The following ALDH18A1 variants were observed in gnomAD, a reference collection of about 807,000 sequenced individuals.
The protein encoded by ALDH18A1 is delta-1-pyrroline-5-carboxylate synthase.
In ALDH18A1, 44 loss-of-function variants were observed where a neutral mutation model predicts 88.8. The ratio of observed to expected loss-of-function variants is 0.50; its 90% CI spans 0.39 to 0.64. The LOEUF is 0.64. Among genes scored for constraint, ALDH18A1 ranks in the 30% least tolerant of loss-of-function variants. The pLI is 0.00. For synonymous variants in ALDH18A1, 331 were observed against 372.1 expected (o/e 0.89, Z 1.27); for missense variants, 782 against 1,009.5 (o/e 0.77, Z 3.05).
At chr10:95,642,741 C>T (rs1005461034) in intron 3 of ALDH18A1, among the ~76,000 whole-genome samples, 3 of 152,168 alleles carry the variant, frequency 2.0e-5, no homozygotes, top group East Asian at 1.9e-4. Flanking sequence ...ACAGAAACAG[C>T]TCTTTATCAC....
At position 95,611,462 on chromosome 10, in the gene ALDH18A1, G is replaced by A; in HGVS notation, c.1924-20C>T. 6.2e-7 allele frequency: 1 copy of A among 1,613,460 alleles called. No homozygotes were observed. Among genetic ancestry groups the A allele is most frequent in the Non-Finnish European group, 8.5e-7 (1 of 1,179,376 alleles). ...TTTTACCTGGAACAGAGGAAGTCCA[G>A]GGGCAACAACATAAAAACAACTGAA... is the stretch of plus-strand genomic sequence containing the variant. On this transcript the variant is annotated intron_variant, in intron 15 of 17. Coordinates refer to ENST00000371224, the MANE Select transcript of ALDH18A1 (RefSeq NM_002860.4).
intron 12 of ALDH18A1, 126 bp downstream of exon 12, chr10:95,620,905 G>T (rs507017): frequency 3.2e-6 from 3 of 930,006 alleles, no homozygotes; most frequent in Non-Finnish European, 4.9e-6. Flanking sequence ...AAACCTGCAC[G>T]TTGTGCACAT....
Position 95,606,164 on chromosome 10 carries a change from A to G in ALDH18A1, c.*598T>C, listed in dbSNP as rs529911360. On this transcript the variant is annotated 3_prime_UTR_variant, in exon 18 of 18. Transcript: ENST00000371224. ...CCAGCTGCATCACGGGGAACACAGC[A>G]TCTCCTGGATGCAGGAAGCTGCAAG... 29 of 825,718 alleles carry G rather than the reference A, an allele frequency of 3.5e-5. No individual in the cohort carries two copies. The African/African-American group carries it at 5.2e-4, about 15-fold the overall frequency. 51.1% of individuals were successfully genotyped at this position (825,718 alleles called of 1,614,324 possible).
chr10:95,650,612 C>G (rs1379184919), intron 2 of ALDH18A1, among the ~76,000 whole-genome samples: 1 of 152,132 alleles, frequency 6.6e-6, no homozygotes, highest in East Asian at 1.9e-4. Context: ...ACAACAGCTC[C>G]CCTTCATCCT....
intron 5 of ALDH18A1, 39 bp from the exon 6 acceptor site, chr10:95,633,688 A>C: frequency 3.1e-6 from 5 of 1,605,300 alleles, no homozygotes; most frequent in Non-Finnish European, 4.3e-6. Context: ...ATGAGGGAGA[A>C]AAACGCTAAA....
chr10:95,643,276 T>C, intron 2 of ALDH18A1, 70 bp from the exon 3 acceptor site: 1 of 1,483,708 alleles, frequency 6.7e-7, no homozygotes, highest in Non-Finnish European at 9.3e-7. Context: ...AAAATATACA[T>C]GCTCAGTATT....
chr10:95,643,131 C>A lies in ALDH18A1; in HGVS notation c.164G>T (p.Arg55Leu). 6.2e-7 allele frequency: 1 copy of A among 1,614,182 alleles called. No homozygotes were observed. The highest frequency in any genetic ancestry group is 8.5e-7 in the Non-Finnish European group (1 of 1,180,048). The change falls in exon 3 of 18, where the codon CGT becomes CTT. Residue 55 changes from arginine (R) to leucine (L), a missense_variant. Physicochemically the swap from Arg to Leu is moderately radical, Grantham distance 102. Transcript: ENST00000371224. ...NIPFITVPLS[R>L]THGKSFAHRS... is the part of the protein sequence containing the mutation. ...GTGGGCGAAGGACTTGCCATGTGTA[C>A]GACTGAGGGGTACAGTGATAAACGG...
At chr10:95,616,821 G>C in intron 12 of ALDH18A1, 1 of 677,374 alleles carries the variant, frequency 1.5e-6, no homozygotes, top group Non-Finnish European at 2.5e-6. Flanking sequence ...GCCCAGAGAG[G>C]CTGATGACTC....
chr10:95,616,805 A>G (rs1265291964), intron 12 of ALDH18A1, 191 bp from the exon 13 acceptor site: 3 of 759,874 alleles, frequency 3.9e-6, no homozygotes, highest in Non-Finnish European at 6.5e-6. Flanking sequence ...AGATAAGGGC[A>G]CTGAAGCCCA....
intron 1 of ALDH18A1, among the ~76,000 whole-genome samples, chr10:95,655,646 C>T (rs1174144928): frequency 6.6e-6 from 1 of 151,478 alleles, no homozygotes; most frequent in Non-Finnish European, 1.5e-5. Flanking sequence ...ATTACGCCCT[C>T]GAGAAGCACA....
Position 95,606,306 on chromosome 10 carries a change from GC to G in ALDH18A1, c.*455del. On this transcript the variant is annotated 3_prime_UTR_variant, in exon 18 of 18. Coordinates refer to ENST00000371224, the MANE Select transcript of ALDH18A1 (RefSeq NM_002860.4). The stretch of plus-strand genomic sequence containing the variant: ...GATGAGAATGCTAAAAAGAAGAGTT[GC>G]CCCTTTTCTAAAATTCCAAATCTTT... The G allele has an allele frequency of 1.0e-6, 1 of 1,003,002 alleles. No homozygotes were observed. Among genetic ancestry groups the G allele is most frequent in the Non-Finnish European group, 1.2e-6 (1 of 839,786 alleles). The allele number at this position is 1,003,002 out of a possible 1,614,324, so 62.1% of individuals were successfully genotyped here. A position where few individuals can be genotyped will look rare whatever the true frequency, so the allele number is the denominator to read the frequency against.
Position 95,656,642 on chromosome 10 carries a change from C to A in ALDH18A1, c.-74G>T, listed in dbSNP as rs2097918611. On this transcript the variant is annotated 5_prime_UTR_variant, in exon 1 of 18. Coordinates refer to ENST00000371224, the MANE Select transcript of ALDH18A1 (RefSeq NM_002860.4). ...TCGCCCCCTGGCACTACCGCGGGTC[C>A]GCACTCCACGCCGGGCTGATTCCGG... 1 of 152,768 alleles carries A rather than the reference C, an allele frequency of 6.5e-6. No homozygotes were observed. Among genetic ancestry groups the A allele is most frequent in the African/African-American group, 2.4e-5 (1 of 41,450 alleles). The allele number at this position is 152,768 out of a possible 1,614,324, so 9.5% of individuals were successfully genotyped here.
intron 7 of ALDH18A1, among the ~76,000 whole-genome samples, chr10:95,632,665 G>C (rs1257155097): frequency 1.3e-5 from 2 of 152,180 alleles, no homozygotes; most frequent in Non-Finnish European, 2.9e-5. Context: ...CGCCAGGACA[G>C]AATTGTAAAC....
At chr10:95,641,953 T>C (rs1213152147) in intron 3 of ALDH18A1, among the ~76,000 whole-genome samples, 1 of 152,196 alleles carries the variant, frequency 6.6e-6, no homozygotes, top group Non-Finnish European at 1.5e-5. Flanking sequence ...ATTTTATTTT[T>C]GTAGAGACAG....
intron 8 of ALDH18A1, among the ~76,000 whole-genome samples, chr10:95,627,962 G>C (rs562203640): frequency 6.6e-6 from 1 of 152,304 alleles, no homozygotes; most frequent in African/African-American, 2.4e-5. Context: ...CTAAGTGGGG[G>C]TCTTGTCCTC....
chr10:95,645,043 A>G (rs533824931), intron 2 of ALDH18A1, among the ~76,000 whole-genome samples: 2 of 152,320 alleles, frequency 1.3e-5, no homozygotes, highest in Admixed American at 1.3e-4. Context: ...CTACATGCAC[A>G]TAATTGTAAC....
chr10:95,623,548 C>T (rs1407827858), intron 11 of ALDH18A1, among the ~76,000 whole-genome samples: 1 of 151,848 alleles, frequency 6.6e-6, no homozygotes, highest in Non-Finnish European at 1.5e-5. Context: ...ACTGGGATTA[C>T]AAATGTGAGC....
chr10:95,646,819 G>C (rs1258723278), intron 2 of ALDH18A1, among the ~76,000 whole-genome samples: 1 of 152,134 alleles, frequency 6.6e-6, no homozygotes, highest in African/African-American at 2.4e-5. Flanking sequence ...GTGGCATGGT[G>C]GGGGATGGGA....
chr10:95,640,563 A>T (rs2097889542), intron 3 of ALDH18A1, among the ~76,000 whole-genome samples: 1 of 152,032 alleles, frequency 6.6e-6, no homozygotes, highest in South Asian at 2.1e-4. Context: ...GCTAGTCTTG[A>T]ACTCCTGACC....
Sources: allele counts gnomAD v4.1 joint callset (sites outside exome capture counted in the v4.1 genomes callset), GRCh38; gene constraint gnomAD v4.1.1; transcripts MANE v1.5; gene names NCBI Gene and HGNC (gene_info 2026-07-23, HGNC 2026-07-21).